Variants in PPP6R2 observed in about 807,000 individuals in gnomAD.
The protein encoded by PPP6R2 is serine/threonine-protein phosphatase 6 regulatory subunit 2.
Under a neutral mutation model 100.2 loss-of-function variants are expected in PPP6R2, and 62 were observed. The observed-to-expected ratio is 0.62, with a 90% CI of 0.50 to 0.76. The LOEUF (loss-of-function observed/expected upper bound fraction) is 0.76, where lower values mean the gene tolerates loss of function less well. Among genes scored for constraint, PPP6R2 ranks in the 30% least tolerant of loss-of-function variants. The pLI, the probability that PPP6R2 is intolerant of heterozygous loss-of-function variation, is 0.00. For missense variants in PPP6R2, 1,142 were observed against 1,276.3 expected (o/e 0.89, Z 1.60); for synonymous variants, 525 against 514.7 (o/e 1.02, Z -0.27).
chr22:50,416,222 C>A, intron 6 of PPP6R2, 65 bp downstream of exon 6: 1 of 1,450,212 alleles, frequency 6.9e-7, no homozygotes, highest in Non-Finnish European at 9.6e-7. Context: ...TCACCCACTG[C>A]TGCGGGCCAG....
intron 1 of PPP6R2, among the ~76,000 whole-genome samples, chr22:50,349,193 CT>C (rs2044422219): frequency 1.8e-5 from 2 of 112,418 alleles, no homozygotes; most frequent in African/African-American, 3.3e-5. Flanking sequence ...GAGACTTCCT[CT>C]CAAAAAAAAA....
the PPP6R2 span, among the ~76,000 whole-genome samples, chr22:50,332,413 G>A: frequency 1.3e-5 from 2 of 151,618 alleles, no homozygotes; most frequent in Non-Finnish European, 2.9e-5. Flanking sequence ...TGTATTTTTA[G>A]TAGAAGCGGG....
At chr22:50,346,696 C>T (rs911284407) in intron 1 of PPP6R2, among the ~76,000 whole-genome samples, 16 of 148,400 alleles carry the variant, frequency 1.1e-4, no homozygotes, top group Non-Finnish European at 1.8e-4. Context: ...TCAGTGCCTC[C>T]GCATCTGTCA....
rs1232565996 is a variant in PPP6R2 at position 50,444,614 on chromosome 22, TAC to T, written c.*369_*370del. The T allele has an allele frequency of 6.1e-5, 12 of 196,222 alleles. No individual in the cohort carries two copies. The highest frequency in any genetic ancestry group is 3.8e-4 in the South Asian group (5 of 13,192). The allele number at this position is 196,222 out of a possible 1,614,324, so 12.2% of individuals were successfully genotyped here. A position where few individuals can be genotyped will look rare whatever the true frequency, so the allele number is the denominator to read the frequency against. The stretch of plus-strand genomic sequence containing the variant: ...AGGGCGTGGACATGGAGGCTGTTTT[TAC>T]AGTTTTTTTTTTGTTGTTGTTTTGT... On this transcript the variant is annotated 3_prime_UTR_variant, in exon 24 of 24. Coordinates refer to ENST00000612753, the MANE Select transcript of PPP6R2 (RefSeq NM_001242898.2).
chr22:50,439,783 T>C lies in PPP6R2; in HGVS notation c.2211T>C (p.Ser737=), dbSNP rs965853186. Residue 737 remains serine, a synonymous_variant, in exon 20 of 24, where the codon AGT becomes AGC. Transcript: ENST00000612753. ...APGVVRDVGS[S]VWAAGTSAPE... is the part of the protein sequence containing the mutation. ...GAGTGGTGAGGGACGTGGGTTCCAGTGTGTGGGCAGCTGGCACCTCAGCTC... is the reference window on the plus strand; with the variant it reads ...GAGTGGTGAGGGACGTGGGTTCCAGCGTGTGGGCAGCTGGCACCTCAGCTC... 5.0e-6 allele frequency: 8 copies of C among 1,613,620 alleles called. No individual in the cohort carries two copies. Among genetic ancestry groups the C allele is most frequent in the Non-Finnish European group, 4.2e-6 (5 of 1,179,926 alleles).
chr22:50,436,209 C>G (rs1309061548), intron 13 of PPP6R2, among the ~76,000 whole-genome samples, 158 bp from the exon 14 acceptor site: 1 of 152,228 alleles, frequency 6.6e-6, no homozygotes, highest in Non-Finnish European at 1.5e-5. Context: ...GCCTCTTTCT[C>G]ATCCGGCAAA....
In PPP6R2 at chr22:50,431,457, T is replaced by C; in HGVS notation, c.1335+75T>C. On this transcript the variant is annotated intron_variant, in intron 11 of 23. Transcript: ENST00000612753. The surrounding 1 kb of genome is among the most constrained non-coding windows in gnomAD (Gnocchi z 4.8). ...GACCGTGTCCATGTCAGCGCTGACGTGTGCCGGACCTCACTGTGCAGCTGA... is the reference window on the plus strand; with the variant it reads ...GACCGTGTCCATGTCAGCGCTGACGCGTGCCGGACCTCACTGTGCAGCTGA... 1 of 1,352,096 alleles carries C rather than the reference T, an allele frequency of 7.4e-7. No individual in the cohort carries two copies. The highest frequency in any genetic ancestry group is 1.0e-6 in the Non-Finnish European group (1 of 977,430). The allele number at this position is 1,352,096 out of a possible 1,614,324, so 83.8% of individuals were successfully genotyped here.
At chr22:50,366,997 T>C (rs1386213565) in intron 1 of PPP6R2, among the ~76,000 whole-genome samples, 2 of 151,934 alleles carry the variant, frequency 1.3e-5, no homozygotes, top group Admixed American at 1.3e-4. Context: ...TTTTTTTTTT[T>C]AGTTGTTGCA....
chr22:50,360,812 A>G (rs961967549), intron 1 of PPP6R2, among the ~76,000 whole-genome samples: 2 of 152,166 alleles, frequency 1.3e-5, no homozygotes, highest in Admixed American at 1.3e-4. Flanking sequence ...TGCTCACACC[A>G]GTCTCTCTCA....
rs1304334752 is a variant in PPP6R2, at chr22:50,423,167, A to G, written c.973-295A>G. Among the ~76,000 whole-genome samples the G allele has an allele frequency of 6.6e-6, 1 of 152,078 alleles. No individual in the cohort carries two copies. Among genetic ancestry groups the G allele is most frequent in the Non-Finnish European group, 1.5e-5 (1 of 68,006 alleles). ...GCCTTAGACCGGTACTGCTGGCCCCATCTTGGACATCTCACCCGCTGAGGT... is the reference window on the plus strand; with the variant it reads ...GCCTTAGACCGGTACTGCTGGCCCCGTCTTGGACATCTCACCCGCTGAGGT... On this transcript the variant is annotated intron_variant, in intron 9 of 23. Coordinates refer to ENST00000612753, the MANE Select transcript of PPP6R2 (RefSeq NM_001242898.2). This position sits in a 1 kb window ranked among gnomAD's most constrained non-coding sequence, Gnocchi z 4.8.
At chr22:50,379,019 A>T (rs1367867057) in intron 2 of PPP6R2, among the ~76,000 whole-genome samples, 1 of 152,148 alleles carries the variant, frequency 6.6e-6, no homozygotes, top group Non-Finnish European at 1.5e-5. Context: ...GACACAGTGG[A>T]GGCACCATCT....
chr22:50,444,332 T>A lies in PPP6R2; in HGVS notation c.*85T>A, dbSNP rs1888551805. The A allele has an allele frequency of 7.0e-7, 1 of 1,423,246 alleles. No individual in the cohort carries two copies. The highest frequency in any genetic ancestry group is 2.5e-5 in the East Asian group (1 of 39,904). 88.2% of individuals were successfully genotyped at this position (1,423,246 alleles called of 1,614,324 possible). ...TACCTGGTGATGCAATCTTTTTTTTTTTTAATTTAATTTAATTTTAAAATA... is the reference window on the plus strand; with the variant it reads ...TACCTGGTGATGCAATCTTTTTTTTATTTAATTTAATTTAATTTTAAAATA... On this transcript the variant is annotated 3_prime_UTR_variant, in exon 24 of 24. Transcript: ENST00000612753.
intron 2 of PPP6R2, among the ~76,000 whole-genome samples, chr22:50,374,027 G>T (rs146830798): frequency 6.6e-6 from 1 of 152,096 alleles, no homozygotes; most frequent in Non-Finnish European, 1.5e-5. Flanking sequence ...GTGAGCCACC[G>T]CACCCAGCCC....
At chr22:50,340,070 TGTG>T (rs2042355081), upstream of PPP6R2, among the ~76,000 whole-genome samples, 2 of 112,254 alleles carry the variant, frequency 1.8e-5, no homozygotes, top group Non-Finnish European at 3.7e-5. Flanking sequence ...TGGTGTGTGA[TGTG>T]TGTGTGGTGT....
intron 3 of PPP6R2, among the ~76,000 whole-genome samples, chr22:50,404,992 G>A (rs2058625251): frequency 6.6e-6 from 1 of 152,216 alleles, no homozygotes; most frequent in African/African-American, 2.4e-5. Context: ...CTGTCTACCA[G>A]TTACAAAAGA....
chr22:50,356,369 C>T (rs1303382080), intron 1 of PPP6R2, among the ~76,000 whole-genome samples: 1 of 143,874 alleles, frequency 7.0e-6, no homozygotes, highest in Non-Finnish European at 1.5e-5. Flanking sequence ...GTGGAATGAT[C>T]GTTGTCACAG....
intron 1 of PPP6R2, among the ~76,000 whole-genome samples, chr22:50,361,148 C>T (rs958740421): frequency 6.6e-6 from 1 of 152,166 alleles, no homozygotes. Flanking sequence ...TGGACTAGTT[C>T]GGTCCTGGGT....
At chr22:50,441,889 C>T (rs1330093630) in intron 22 of PPP6R2, among the ~76,000 whole-genome samples, 1 of 152,118 alleles carries the variant, frequency 6.6e-6, no homozygotes, top group Admixed American at 6.5e-5. Context: ...CCAGGTAAAC[C>T]TGAGGGGGAG....
At position 50,439,775 on chromosome 22, in the gene PPP6R2, G is replaced by A. The variant is rs1247316348; in HGVS notation, c.2203G>A (p.Gly735Ser). 4 of 1,613,690 alleles carry A rather than the reference G, an allele frequency of 2.5e-6. No individual in the cohort carries two copies. The African/African-American group carries it at 5.3e-5, about 22-fold the overall frequency. Residue 735 changes from glycine (G) to serine (S), a missense_variant, in exon 20 of 24, where the codon GGT becomes AGT. Gly to Ser is a moderately conservative substitution (Grantham distance 56, BLOSUM62 0). Around this residue, in one of 2 missense-constraint regions of PPP6R2, gnomAD observed 550 missense variants for 517.4 expected, o/e 1.06. Transcript: ENST00000612753. ...AGCCCCAGGAGTGGTGAGGGACGTG[G>A]GTTCCAGTGTGTGGGCAGCTGGCAC... ...PTAPGVVRDV[G>S]SSVWAAGTSA...
Sources: allele counts gnomAD v4.1 joint callset (sites outside exome capture counted in the v4.1 genomes callset), GRCh38; gene constraint gnomAD v4.1.1; regional missense constraint gnomAD v4.1.1; non-coding constraint Gnocchi (gnomAD v3.1); transcripts MANE v1.5; gene names NCBI Gene and HGNC (gene_info 2026-07-23, HGNC 2026-07-21).